SNX29: variants seen among roughly 807,000 people sequenced by gnomAD.
SNX29 encodes sorting nexin 29.
Under a neutral mutation model 102.1 loss-of-function variants are expected in SNX29, and 78 were observed. That is an observed-to-expected ratio of 0.76 (90% CI 0.64 to 0.92). SNX29 has a LOEUF of 0.92. Among genes scored for constraint, SNX29 ranks in the 40% least tolerant of loss-of-function variants. SNX29 has a pLI of 0.00. For synonymous variants in SNX29, 580 were observed against 414.5 expected, an observed-to-expected ratio of 1.40 and a Z score of -4.85; for missense variants, 1,280 against 1,061.7, an observed-to-expected ratio of 1.21 and a Z score of -2.86.
intron 19 of SNX29, among the ~76,000 whole-genome samples, chr16:12,509,855 T>A (rs2089534254): frequency 6.6e-6 from 1 of 152,236 alleles, no homozygotes; most frequent in South Asian, 2.1e-4. Context: ...CTGGTCACTC[T>A]AAAGCCCTGT....
At chr16:12,242,872 G>C (rs2142310548) in intron 14 of SNX29, among the ~76,000 whole-genome samples, 2 of 152,206 alleles carry the variant, frequency 1.3e-5, no homozygotes, top group South Asian at 4.2e-4. Flanking sequence ...ACATAGCCCA[G>C]GCTGGACTCA....
At chr16:12,150,414 A>T (rs560228010) in intron 13 of SNX29, among the ~76,000 whole-genome samples, 6 of 152,224 alleles carry the variant, frequency 3.9e-5, no homozygotes, top group African/African-American at 1.4e-4. Flanking sequence ...ATGGATAAAC[A>T]AGATGTGAAT....
intron 13 of SNX29, among the ~76,000 whole-genome samples, chr16:12,152,842 TG>T (rs1257854809): frequency 6.6e-6 from 1 of 152,236 alleles, no homozygotes; most frequent in East Asian, 1.9e-4. Flanking sequence ...TTAATCGTCG[TG>T]GTTGCCAGTG....
intron 8 of SNX29, among the ~76,000 whole-genome samples, chr16:12,059,250 G>A (rs2050666849): frequency 6.6e-6 from 1 of 152,166 alleles, no homozygotes; most frequent in Non-Finnish European, 1.5e-5. Context: ...GAGTGGCCTA[G>A]AAAGGACTGT....
At chr16:12,092,712 C>G (rs1175492696) in intron 11 of SNX29, among the ~76,000 whole-genome samples, 2 of 152,164 alleles carry the variant, frequency 1.3e-5, no homozygotes, top group African/African-American at 4.8e-5. Flanking sequence ...GGGAAAGGAG[C>G]CAGAATATCC....
chr16:12,487,732 A>G (rs2088319928), intron 19 of SNX29, among the ~76,000 whole-genome samples: 1 of 152,220 alleles, frequency 6.6e-6, no homozygotes, highest in African/African-American at 2.4e-5. Flanking sequence ...GAGTTCACAC[A>G]CCATCCCCCG....
intron 18 of SNX29, among the ~76,000 whole-genome samples, chr16:12,476,427 T>TAC (rs2087649370): frequency 2.3e-5 from 2 of 85,446 alleles, no homozygotes; most frequent in African/African-American, 4.5e-5. Flanking sequence ...TATATATATA[T>TAC]ATATATATAT....
At chr16:12,461,978 A>AAAAAAAAAAATATAT (rs1555544501) in intron 18 of SNX29, among the ~76,000 whole-genome samples, 1 of 27,354 alleles carries the variant, frequency 3.7e-5, no homozygotes, top group East Asian at 2.1e-3. Flanking sequence ...AAAAAAAAAA[A>AAAAAAAAAAATATAT]ATATATATAT....
At chr16:12,529,219 G>A (rs113802255) in intron 20 of SNX29, among the ~76,000 whole-genome samples, 2 of 152,186 alleles carry the variant, frequency 1.3e-5, no homozygotes, top group South Asian at 2.1e-4. Context: ...CTGTATATCA[G>A]TGTGGCCCAG....
At chr16:12,567,059 T>C (rs1325659032) in intron 20 of SNX29, among the ~76,000 whole-genome samples, 2 of 152,252 alleles carry the variant, frequency 1.3e-5, no homozygotes, top group African/African-American at 4.8e-5. Flanking sequence ...TGCTAGGCTG[T>C]TTCAGGGAAC....
chr16:12,279,473 G>A (rs1168163049), intron 15 of SNX29, among the ~76,000 whole-genome samples: 1 of 152,238 alleles, frequency 6.6e-6, no homozygotes, highest in Non-Finnish European at 1.5e-5. Context: ...GGGAGGCCTG[G>A]GGACAGGGCA....
At chr16:12,093,525 GAT>G (rs1410000910) in intron 11 of SNX29, 1 of 152,240 alleles carries the variant, frequency 6.6e-6, no homozygotes, top group Non-Finnish European at 1.5e-5. Context: ...GAGGCAGGAG[GAT>G]CTCTTGAACC....
At chr16:12,538,701 C>G (rs916269163) in intron 20 of SNX29, among the ~76,000 whole-genome samples, 1 of 152,080 alleles carries the variant, frequency 6.6e-6, no homozygotes, top group Non-Finnish European at 1.5e-5. Context: ...AGTGGGCGAG[C>G]CTGGGCATGT....
intron 14 of SNX29, among the ~76,000 whole-genome samples, chr16:12,205,909 C>G (rs2077033726): frequency 6.6e-6 from 1 of 152,208 alleles, no homozygotes; most frequent in Non-Finnish European, 1.5e-5. Context: ...ATGTTTATAA[C>G]ATAAATGAAT....
chr16:12,366,364 A>C (rs2082481922), intron 16 of SNX29, among the ~76,000 whole-genome samples: 3 of 152,238 alleles, frequency 2.0e-5, no homozygotes, highest in Non-Finnish European at 2.9e-5. Flanking sequence ...GAAGATGGTC[A>C]TGGAGCTATT....
At chr16:12,217,958 A>G (rs2077368741) in intron 14 of SNX29, among the ~76,000 whole-genome samples, 3 of 152,198 alleles carry the variant, frequency 2.0e-5, no homozygotes, top group South Asian at 2.1e-4. Flanking sequence ...GGAGACAATA[A>G]AATTTTTCTT....
At chr16:11,979,086 C>A (rs2055361558) in intron 1 of SNX29, among the ~76,000 whole-genome samples, 1 of 151,540 alleles carries the variant, frequency 6.6e-6, no homozygotes, top group African/African-American at 2.4e-5. Context: ...ACCAGCCTGG[C>A]CAACATGGTG....
At chr16:12,562,003 C>CA (rs2078752056) in intron 20 of SNX29, among the ~76,000 whole-genome samples, 1 of 152,280 alleles carries the variant, frequency 6.6e-6, no homozygotes, top group South Asian at 2.1e-4. Flanking sequence ...ATGGACCCTG[C>CA]AACCCAGGAG....
intron 20 of SNX29, among the ~76,000 whole-genome samples, chr16:12,534,452 GAT>G (rs1367447830): frequency 6.6e-6 from 1 of 152,234 alleles, no homozygotes; most frequent in Non-Finnish European, 1.5e-5. Context: ...AAAGAACGCA[GAT>G]TAGGGAGGCT....
Sources: allele counts gnomAD v4.1 joint callset (sites outside exome capture counted in the v4.1 genomes callset), GRCh38; gene constraint gnomAD v4.1.1; transcripts MANE v1.5; gene names NCBI Gene and HGNC (gene_info 2026-07-23, HGNC 2026-07-21).